CHD2: variants seen among roughly 807,000 people sequenced by gnomAD.
The protein encoded by CHD2 is ATP-dependent chromatin remodeler CHD2.
In CHD2, 28 loss-of-function variants were observed where a neutral mutation model predicts 243.9. The observed-to-expected ratio is 0.11, with a 90% CI of 0.09 to 0.16. The LOEUF (loss-of-function observed/expected upper bound fraction) is 0.16. Ranked by LOEUF, CHD2 falls within the 10% of genes least tolerant of loss-of-function variation. The pLI is 1.00. For missense variants in CHD2, 1,386 were observed against 2,209.8 expected (o/e 0.63, Z 7.47); for synonymous variants, 775 against 779.0 (o/e 0.99, Z 0.09).
At chr15:92,948,835 T>C in intron 12 of CHD2, 117 bp from the exon 13 acceptor site, 1 of 1,184,996 alleles carries the variant, frequency 8.4e-7, no homozygotes, top group Admixed American at 2.3e-5. Context: ...CAAGACTCCG[T>C]CTCAAAAAAA....
At chr15:92,952,336 G>T (rs934922175) in intron 13 of CHD2, among the ~76,000 whole-genome samples, 1 of 152,108 alleles carries the variant, frequency 6.6e-6, no homozygotes, top group Admixed American at 6.5e-5. Context: ...GAGGAGGGAG[G>T]GGGATGGTTT....
At chr15:92,996,487 A>G (rs1467476450) in intron 28 of CHD2, among the ~76,000 whole-genome samples, 1 of 152,060 alleles carries the variant, frequency 6.6e-6, no homozygotes, top group African/African-American at 2.4e-5. Flanking sequence ...TTAAGCCACC[A>G]CTTGTTCATC....
intron 17 of CHD2, among the ~76,000 whole-genome samples, chr15:92,969,509 A>G (rs1229074570): frequency 2.0e-5 from 3 of 152,234 alleles, no homozygotes; most frequent in African/African-American, 7.2e-5. Flanking sequence ...TCCTCAGAAG[A>G]CTGGCCTCTT....
chr15:92,999,919 G>A (rs938931670), intron 31 of CHD2, among the ~76,000 whole-genome samples: 1 of 151,918 alleles, frequency 6.6e-6, no homozygotes, highest in Non-Finnish European at 1.5e-5. Flanking sequence ...AAAAAATTGT[G>A]TCTTTAGGAT....
rs2052523538 is a variant in CHD2 at position 92,901,175 on chromosome 15, T to A, written c.-63T>A. Reference sequence around the variant, plus strand: ...CTTTCAACTTTTGACAGTAAATACCTGGGCACAGGACTTCAAAGCAAACAC... The same window carrying A: ...CTTTCAACTTTTGACAGTAAATACCAGGGCACAGGACTTCAAAGCAAACAC... On this transcript the variant is annotated 5_prime_UTR_variant, in exon 2 of 39. Transcript: ENST00000394196. 3 of 953,116 alleles carry A rather than the reference T, an allele frequency of 3.1e-6. No homozygotes were observed. The highest frequency in any genetic ancestry group is 5.1e-6 in the Non-Finnish European group (3 of 591,092). The allele number at this position is 953,116 out of a possible 1,614,324, so 59.0% of individuals were successfully genotyped here.
intron 22 of CHD2, among the ~76,000 whole-genome samples, chr15:92,979,850 G>A (rs1006055899): frequency 6.6e-6 from 1 of 151,760 alleles, no homozygotes; most frequent in African/African-American, 2.4e-5. Flanking sequence ...CCCGGGAAGT[G>A]GAGCTTACAG....
At chr15:92,940,812 A>AAT (rs1202467572) in intron 7 of CHD2, among the ~76,000 whole-genome samples, 2 of 143,272 alleles carry the variant, frequency 1.4e-5, no homozygotes, top group Non-Finnish European at 3.0e-5. Context: ...AATAAATATA[A>AAT]ATATATATAA....
At chr15:92,983,319 A>T (rs529215290) in intron 24 of CHD2, among the ~76,000 whole-genome samples, 1 of 152,370 alleles carries the variant, frequency 6.6e-6, no homozygotes, top group South Asian at 2.1e-4. Context: ...TAAGGGCCAG[A>T]GTCTGGCCTT....
rs1214169832 is a variant in CHD2 at position 92,997,566 on chromosome 15, C to T, written c.3885+163C>T. On this transcript the variant is annotated intron_variant, in intron 30 of 38. Coordinates refer to ENST00000394196, the MANE Select transcript of CHD2 (RefSeq NM_001271.4). This position sits in a 1 kb window ranked among gnomAD's most constrained non-coding sequence, Gnocchi z 4.1. Reference sequence around the variant, plus strand: ...TTTAGCAGATTGTGGCACTGTTTCACGGATGAAGATAAAGGGAAAAGACAG... The same window carrying T: ...TTTAGCAGATTGTGGCACTGTTTCATGGATGAAGATAAAGGGAAAAGACAG... The T allele has an allele frequency of 8.4e-6, 5 of 594,164 alleles. No homozygotes were observed. Among genetic ancestry groups the T allele is most frequent in the Admixed American group, 3.9e-5 (1 of 25,762 alleles). The allele number at this position is 594,164 out of a possible 1,614,324, so 36.8% of individuals were successfully genotyped here. A position where few individuals can be genotyped will look rare whatever the true frequency, so the allele number is the denominator to read the frequency against.
intron 26 of CHD2, among the ~76,000 whole-genome samples, chr15:92,989,923 A>T (rs551860961): frequency 1.3e-5 from 2 of 152,354 alleles, no homozygotes; most frequent in South Asian, 4.1e-4. Flanking sequence ...ACAGACCTGC[A>T]CATGTCAGAG....
intron 12 of CHD2, among the ~76,000 whole-genome samples, chr15:92,947,833 C>T (rs1215832742): frequency 6.6e-6 from 1 of 152,150 alleles, no homozygotes; most frequent in Non-Finnish European, 1.5e-5. Flanking sequence ...GAACTGAACA[C>T]ATCAATAACC....
chr15:92,924,381 G>A lies in CHD2; in HGVS notation c.123G>A (p.Gln41=). 1 of 1,614,092 alleles carries A rather than the reference G, an allele frequency of 6.2e-7. No homozygotes were observed. Residue 41 remains glutamine, a synonymous_variant, in exon 3 of 39, where the codon CAG becomes CAA. Coordinates refer to ENST00000394196, the MANE Select transcript of CHD2 (RefSeq NM_001271.4). ...SDSGSQSESE[Q]GSDPGSGHGS... ...CAGGCAGTCAGTCGGAAAGTGAGCA[G>A]GGAAGTGATCCAGGAAGTGGACATG...
rs1017032164 is a variant in CHD2, at chr15:93,008,087, TAGTC to T, written c.4414-1055_4414-1052del. Among the ~76,000 whole-genome samples the T allele has an allele frequency of 1.1e-4, 17 of 152,354 alleles. No homozygotes were observed. In the East Asian group the frequency reaches 1.3e-3, roughly 12 times the overall value. ...TGATGTAGCAGAAACTTCTGACAGA[TAGTC>T]AGGATCATTTGGTGTTTCCTCTGGG... On this transcript the variant is annotated intron_variant, in intron 34 of 38. Coordinates refer to ENST00000394196, the MANE Select transcript of CHD2 (RefSeq NM_001271.4).
At chr15:92,914,108 ATAGC>A (rs1170248783) in intron 2 of CHD2, among the ~76,000 whole-genome samples, 1 of 152,246 alleles carries the variant, frequency 6.6e-6, no homozygotes, top group Admixed American at 6.5e-5. Context: ...AACCTAAACA[ATAGC>A]TAACTAAAGA....
chr15:92,972,175 G>T, intron 18 of CHD2, 90 bp from the exon 19 acceptor site: 1 of 1,410,992 alleles, frequency 7.1e-7, no homozygotes. Flanking sequence ...AAAGCTTTAA[G>T]ATGATTTTTA....
chr15:92,947,109 A>G (rs1161272213), intron 12 of CHD2: 1 of 152,232 alleles, frequency 6.6e-6, no homozygotes, highest in Non-Finnish European at 1.5e-5. Flanking sequence ...AATATCAGAC[A>G]AGTGATACGT....
In CHD2 at chr15:92,992,911, C is replaced by G; in HGVS notation, c.3508C>G (p.Leu1170Val). 1 of 1,614,120 alleles carries G rather than the reference C, an allele frequency of 6.2e-7. No homozygotes were observed. Among genetic ancestry groups the G allele is most frequent in the Non-Finnish European group, 8.5e-7 (1 of 1,180,024 alleles). Residue 1170 changes from leucine to valine, a missense_variant, in exon 28 of 39, where the codon CTG (leucine) becomes GTG (valine). Leu to Val is a conservative substitution (Grantham distance 32, BLOSUM62 1). Coordinates refer to ENST00000394196, the MANE Select transcript of CHD2 (RefSeq NM_001271.4). ...GCTGGTAGATAAGTCGGTGGCAGAT[C>G]TGAAGCGCCTGGGTGAACTGATCCA... ...AELVDKSVAD[L>V]KRLGELIHNS...
chr15:92,972,072 G>C, intron 18 of CHD2, 145 bp downstream of exon 18: 1 of 1,056,872 alleles, frequency 9.5e-7, no homozygotes, highest in Non-Finnish European at 1.3e-6. Context: ...AGGTAACTAA[G>C]AATGATTTGG....
chr15:92,936,384 A>T (rs529013127), intron 5 of CHD2, among the ~76,000 whole-genome samples: 1 of 152,232 alleles, frequency 6.6e-6, no homozygotes, highest in Non-Finnish European at 1.5e-5. Flanking sequence ...AGCCCCAGGC[A>T]CTTGCCTGTC....
Sources: gnomAD v4.1 joint callset for allele counts (sites outside exome capture counted in the v4.1 genomes callset) on GRCh38, gnomAD v4.1.1 for gene constraint, Gnocchi (gnomAD v3.1) non-coding constraint, MANE v1.5 for transcripts, NCBI Gene and HGNC (gene_info 2026-07-23, HGNC 2026-07-21) for gene names.